The following PRKN variants were observed in gnomAD, a reference collection of about 807,000 sequenced individuals.
PRKN encodes the protein parkin RBR E3 ubiquitin protein ligase, also known as E3 ubiquitin-protein ligase parkin.
In PRKN, 56 loss-of-function variants were observed where a neutral mutation model predicts 59.5. The ratio of observed to expected loss-of-function variants is 0.94; its 90% CI spans 0.76 to 1.18. PRKN has a LOEUF of 1.18. PRKN is among the 50% of genes most tolerant of loss of function. PRKN has a pLI of 0.00. For synonymous variants in PRKN, 250 were observed against 222.1 expected (o/e 1.13, Z -1.12); for missense variants, 657 against 596.4 (o/e 1.10, Z -1.06).
chr6:161,465,386 A>C (rs1790415245), intron 9 of PRKN, among the ~76,000 whole-genome samples: 1 of 151,872 alleles, frequency 6.6e-6, no homozygotes, highest in Non-Finnish European at 1.5e-5. Context: ...CAACCTGCAG[A>C]CGTGATTTTA....
intron 7 of PRKN, among the ~76,000 whole-genome samples, chr6:161,779,582 T>A (rs898531182): frequency 6.6e-6 from 1 of 150,792 alleles, no homozygotes; most frequent in African/African-American, 2.4e-5. Flanking sequence ...GTAGCTGGGA[T>A]TATAGGCATG....
chr6:162,437,285 A>G (rs865983377), intron 2 of PRKN, among the ~76,000 whole-genome samples: 2 of 148,760 alleles, frequency 1.3e-5, no homozygotes, highest in African/African-American at 5.1e-5. Flanking sequence ...AGAGAGACAA[A>G]TAGCAAGCTT....
Position 161,554,753 on chromosome 6 carries a change from T to C in PRKN, c.934-5750A>G, listed in dbSNP as rs1038618963. Among the ~76,000 whole-genome samples the C allele has an allele frequency of 6.0e-5, 9 of 150,324 alleles. No individual in the cohort carries two copies. Among genetic ancestry groups the C allele is most frequent in the Non-Finnish European group, 7.4e-5 (5 of 67,568 alleles). On this transcript the variant is annotated intron_variant, in intron 8 of 11. Transcript: ENST00000366898. This position sits in a 1 kb window ranked among gnomAD's most constrained non-coding sequence, Gnocchi z 4.5. ...GTGTGTGTATATATATATATATATA[T>C]ACATACACACTTATATTTATACATA... is the stretch of plus-strand genomic sequence containing the variant.
rs114363028 is a variant in PRKN at position 161,454,099 on chromosome 6, A to C, written c.1084-67222T>G. 6.0e-3 allele frequency among the ~76,000 whole-genome samples: 911 copies of C among 152,190 alleles called. 11 individuals carry two copies. Among genetic ancestry groups the C allele is most frequent in the African/African-American group, 0.021 (882 of 41,524 alleles). Reference sequence around the variant, plus strand: ...CACAGACCACACATGGTTTCTTTTTATTTCTTTCTTTCTGAGATGGAAGGA... The same window carrying C: ...CACAGACCACACATGGTTTCTTTTTCTTTCTTTCTTTCTGAGATGGAAGGA... On this transcript the variant is annotated intron_variant, in intron 9 of 11. Transcript: ENST00000366898. The surrounding 1 kb of genome is among the most constrained non-coding windows in gnomAD (Gnocchi z 4.6).
At chr6:161,905,063 G>A (rs1342390178) in intron 6 of PRKN, among the ~76,000 whole-genome samples, 1 of 152,030 alleles carries the variant, frequency 6.6e-6, no homozygotes, top group African/African-American at 2.4e-5. Flanking sequence ...TATCCACCAC[G>A]TAAAATAAAG....
chr6:161,963,229 A>C (rs1320697474), intron 6 of PRKN, among the ~76,000 whole-genome samples: 4 of 152,228 alleles, frequency 2.6e-5, no homozygotes, highest in African/African-American at 9.6e-5. Context: ...GACAGTTACA[A>C]CACGCAAGGT....
At chr6:161,999,444 T>A (rs1359934627) in intron 5 of PRKN, among the ~76,000 whole-genome samples, 1 of 152,088 alleles carries the variant, frequency 6.6e-6, no homozygotes, top group Non-Finnish European at 1.5e-5. Context: ...TAAAAACGTG[T>A]CTTGTAGTGA....
intron 4 of PRKN, among the ~76,000 whole-genome samples, chr6:162,090,780 A>T (rs1019360787): frequency 1.3e-5 from 2 of 152,194 alleles, no homozygotes; most frequent in Non-Finnish European, 2.9e-5. Flanking sequence ...ATCTAGAATG[A>T]CAGAAATGTA....
intron 2 of PRKN, among the ~76,000 whole-genome samples, chr6:162,305,571 G>C (rs1782183748): frequency 6.6e-6 from 1 of 152,096 alleles, no homozygotes; most frequent in Admixed American, 6.6e-5. Flanking sequence ...ATATTAGCTA[G>C]AATTTTGCAT....
At chr6:161,506,002 G>A (rs1310996804) in intron 9 of PRKN, among the ~76,000 whole-genome samples, 35 of 151,964 alleles carry the variant, frequency 2.3e-4, no homozygotes, top group East Asian at 7.8e-4. Context: ...TTGACTTGGC[G>A]ATGCGGGTTC....
intron 7 of PRKN, among the ~76,000 whole-genome samples, chr6:161,715,913 A>T (rs979812445): frequency 1.3e-5 from 2 of 152,212 alleles, no homozygotes; most frequent in African/African-American, 4.8e-5. Flanking sequence ...CATCAGCAAC[A>T]TCTATGAATT....
In PRKN at chr6:161,661,916, G is replaced by A. The variant is rs111396583; in HGVS notation, c.872-92500C>T. Among the ~76,000 whole-genome samples the A allele has an allele frequency of 8.1e-3, 1,234 of 152,126 alleles. 28 individuals carry two copies. The highest frequency in any genetic ancestry group is 0.028 in the African/African-American group (1,172 of 41,496). ...TGGGCACCTGGAATCCCAGCTACTC[G>A]GGAGGCTGAGGCAGGTGGGTCATTT... On this transcript the variant is annotated intron_variant, in intron 7 of 11. Coordinates refer to ENST00000366898, the MANE Select transcript of PRKN (RefSeq NM_004562.3).
chr6:162,102,815 A>G (rs919635678), intron 4 of PRKN, among the ~76,000 whole-genome samples: 9 of 152,044 alleles, frequency 5.9e-5, no homozygotes, highest in African/African-American at 2.2e-4. Flanking sequence ...AGGCCGAGGC[A>G]GGCGGATCAC....
chr6:161,981,449 G>T (rs534538021), intron 5 of PRKN, among the ~76,000 whole-genome samples: 3 of 152,144 alleles, frequency 2.0e-5, no homozygotes, highest in Non-Finnish European at 4.4e-5. Context: ...GGAGGCTGAG[G>T]CAGGAGGATC....
intron 2 of PRKN, among the ~76,000 whole-genome samples, chr6:162,284,522 C>T (rs576573911): frequency 2.0e-4 from 31 of 152,266 alleles, no homozygotes; most frequent in African/African-American, 7.5e-4. Flanking sequence ...CCGCACCCGG[C>T]CATATTGTGT....
intron 6 of PRKN, among the ~76,000 whole-genome samples, chr6:161,890,820 T>A (rs1189633319): frequency 6.6e-6 from 1 of 152,208 alleles, no homozygotes; most frequent in Non-Finnish European, 1.5e-5. Context: ...CATAGTGTTA[T>A]TTCACAGCAA....
chr6:162,101,454 G>A (rs1421414429), intron 4 of PRKN, among the ~76,000 whole-genome samples: 2 of 151,782 alleles, frequency 1.3e-5, no homozygotes, highest in Admixed American at 6.6e-5. Context: ...GGAACACGAG[G>A]TCAGGAGATC....
intron 1 of PRKN, among the ~76,000 whole-genome samples, chr6:162,631,192 T>A (rs1583943792): frequency 6.6e-6 from 1 of 152,120 alleles, no homozygotes; most frequent in East Asian, 1.9e-4. Context: ...GTCATCTGTA[T>A]TAGGTATCAA....
chr6:161,852,457 C>T lies in PRKN; in HGVS notation c.735-66549G>A, dbSNP rs554277445. On this transcript the variant is annotated intron_variant, in intron 6 of 11. Transcript: ENST00000366898. ...GACAAAGCAAGGCTCTGTCTCTAAA[C>T]CACACACTCAGACACATATGCCATC... Among the ~76,000 whole-genome samples, 4 of 152,148 alleles carry T rather than the reference C, an allele frequency of 2.6e-5. No homozygotes were observed. The South Asian group carries it at 8.3e-4, about 32-fold the overall frequency.
Sources: allele counts gnomAD v4.1 joint callset (sites outside exome capture counted in the v4.1 genomes callset), GRCh38; gene constraint gnomAD v4.1.1; non-coding constraint Gnocchi (gnomAD v3.1); transcripts MANE v1.5; gene names NCBI Gene and HGNC (gene_info 2026-07-23, HGNC 2026-07-21).